The following SMO variants were observed in gnomAD, a reference collection of about 807,000 sequenced individuals.
SMO encodes protein smoothened.
SMO carries 40 observed loss-of-function variants against 81.6 expected under a neutral mutation model. That is an observed-to-expected ratio of 0.49 (90% CI 0.38 to 0.64). The LOEUF is 0.64. Among genes scored for constraint, SMO ranks in the 30% least tolerant of loss-of-function variants. SMO has a pLI of 0.00. For synonymous variants in SMO, 434 were observed against 432.1 expected (o/e 1.00, Z -0.05); for missense variants, 916 against 1,061.1 (o/e 0.86, Z 1.90).
intron 1 of SMO, among the ~76,000 whole-genome samples, chr7:129,197,137 CAT>C (rs1296801610): frequency 6.6e-5 from 10 of 151,682 alleles, no homozygotes; most frequent in African/African-American, 1.9e-4. Flanking sequence ...ATTCTATACA[CAT>C]AGTCATATAA....
rs757923679 is a variant in SMO, at chr7:129,211,801, G to C, written c.1936+31G>C. On this transcript the variant is annotated intron_variant, in intron 11 of 11. Transcript: ENST00000249373. This position sits in a 1 kb window ranked among gnomAD's most constrained non-coding sequence, Gnocchi z 4.6. ...AGAGTTCAAGCTTCTGGAGGAAGGT[G>C]GGGGGAGCACAGAGGCTGGGGGCTT... 1.2e-5 allele frequency: 19 copies of C among 1,612,548 alleles called. No homozygotes were observed. The African/African-American group carries it at 1.2e-4, about 10-fold the overall frequency.
Position 129,211,783 on chromosome 7 carries a change from A to C in SMO, c.1936+13A>C, listed in dbSNP as rs201152391. The C allele has an allele frequency of 1.1e-5, 18 of 1,613,876 alleles. No individual in the cohort carries two copies. The highest frequency in any genetic ancestry group is 2.2e-5 in the East Asian group (1 of 44,872). On this transcript the variant is annotated intron_variant, in intron 11 of 11. Coordinates refer to ENST00000249373, the MANE Select transcript of SMO (RefSeq NM_005631.5). This position sits in a 1 kb window ranked among gnomAD's most constrained non-coding sequence, Gnocchi z 4.6. ...GTGGCAACTCCAGGTATGAGAGTTC[A>C]AGCTTCTGGAGGAAGGTGGGGGGAG...
rs749120623 is a variant in SMO, at chr7:129,210,374, A to G, written c.1478A>G (p.Asn493Ser). ...SFRDYVLCQA[N>S]VTIGLPTKQP... is the part of the protein sequence containing the mutation. The stretch of plus-strand genomic sequence containing the variant: ...TTCCCTCACTGTAGATGTCAGGCCA[A>G]TGTGACCATCGGGCTGCCCACCAAG... The change falls in exon 9 of 12, where the codon AAT (asparagine) becomes AGT (serine). Residue 493 changes from asparagine to serine, a missense_variant. Transcript: ENST00000249373. The surrounding 1 kb of genome is among the most constrained non-coding windows in gnomAD (Gnocchi z 4.7). 2 of 1,614,028 alleles carry G rather than the reference A, an allele frequency of 1.2e-6. No individual in the cohort carries two copies. Among genetic ancestry groups the G allele is most frequent in the Admixed American group, 1.7e-5 (1 of 60,026 alleles).
In SMO at chr7:129,209,985, C is replaced by T. The variant is rs1429873823; in HGVS notation, c.1467-378C>T. The T allele has an allele frequency of 2.1e-5, 4 of 193,662 alleles. No homozygotes were observed. The East Asian group carries it at 4.6e-4, about 22-fold the overall frequency. 12.0% of individuals were successfully genotyped at this position (193,662 alleles called of 1,614,324 possible). ...TTCCAGTCTGGGATGCTTTAAACCA[C>T]AGTGATGCCTGAGTCTCTGCCCCAG... is the stretch of plus-strand genomic sequence containing the variant. On this transcript the variant is annotated intron_variant, in intron 8 of 11. Transcript: ENST00000249373.
chr7:129,201,289 C>T (rs1289300461), intron 1 of SMO, among the ~76,000 whole-genome samples: 1 of 152,058 alleles, frequency 6.6e-6, no homozygotes, highest in Admixed American at 6.6e-5. Flanking sequence ...TTGTGATCCA[C>T]CCGCCTCGGC....
intron 1 of SMO, among the ~76,000 whole-genome samples, chr7:129,193,161 G>A (rs1793503516): frequency 6.6e-6 from 1 of 152,116 alleles, no homozygotes; most frequent in South Asian, 2.1e-4. Flanking sequence ...AGTAAGTGGG[G>A]CAAAAAAGCA....
rs746499335 is a variant in SMO at position 129,208,799 on chromosome 7, G to A, written c.1305G>A (p.Gly435=). The A allele has an allele frequency of 2.5e-6, 4 of 1,613,806 alleles. No individual in the cohort carries two copies. In the Admixed American group the frequency reaches 5.0e-5, roughly 20 times the overall value. ...TLFSIKSNHP[G]LLSEKAASKI... is the part of the protein sequence containing the mutation. ...TCTCCATCAAGAGCAACCACCCCGGGCTGCTGAGTGAGAAGGCTGCCAGCA... is the reference window on the plus strand; with the variant it reads ...TCTCCATCAAGAGCAACCACCCCGGACTGCTGAGTGAGAAGGCTGCCAGCA... The change falls in exon 7 of 12, where the codon GGG becomes GGA. Residue 435 remains glycine, a synonymous_variant. Transcript: ENST00000249373. The surrounding 1 kb of genome is among the most constrained non-coding windows in gnomAD (Gnocchi z 5.2).
In SMO at chr7:129,211,280, C is replaced by T. The variant is rs1793865908; in HGVS notation, c.1801+167C>T. 1 of 795,636 alleles carries T rather than the reference C, an allele frequency of 1.3e-6. No individual in the cohort carries two copies. The highest frequency in any genetic ancestry group is 2.1e-6 in the Non-Finnish European group (1 of 472,220). The allele number at this position is 795,636 out of a possible 1,614,324, so 49.3% of individuals were successfully genotyped here. The stretch of plus-strand genomic sequence containing the variant: ...CATTCTTCCCCCGGCCCCTCCTACC[C>T]TCTGGGGGGCTCTCCCCTCTCTGTT... On this transcript the variant is annotated intron_variant, in intron 10 of 11. Coordinates refer to ENST00000249373, the MANE Select transcript of SMO (RefSeq NM_005631.5). This position sits in a 1 kb window ranked among gnomAD's most constrained non-coding sequence, Gnocchi z 4.6.
Position 129,205,634 on chromosome 7 carries a change from A to C in SMO, c.772A>C (p.Asn258His). The C allele has an allele frequency of 6.2e-7, 1 of 1,613,888 alleles. No individual in the cohort carries two copies. The highest frequency in any genetic ancestry group is 1.3e-5 in the African/African-American group (1 of 75,052). ...GGCCACATTCGTGGCTGACTGGCGG[A>C]ACTCGAATCGCTACCCTGCTGTTAT... ...TLATFVADWR[N>H]SNRYPAVILF... Residue 258 changes from asparagine to histidine, a missense_variant, in exon 4 of 12, where the codon AAC (asparagine) becomes CAC (histidine). Physicochemically the swap from Asn to His is moderately conservative, Grantham distance 68 (BLOSUM62 1). Transcript: ENST00000249373.
rs759963267 is a variant in SMO at position 129,210,320 on chromosome 7, A to C, written c.1467-43A>C. On this transcript the variant is annotated intron_variant, in intron 8 of 11. Coordinates refer to ENST00000249373, the MANE Select transcript of SMO (RefSeq NM_005631.5). The surrounding 1 kb of genome is among the most constrained non-coding windows in gnomAD (Gnocchi z 4.7). ...ATCCTATCTCAAAAAAAGAGAGAGG[A>C]AAAGAAAGGAAAGCCTCACCTGTCT... is the stretch of plus-strand genomic sequence containing the variant. The C allele has an allele frequency of 6.5e-7, 1 of 1,527,422 alleles. No individual in the cohort carries two copies. The highest frequency in any genetic ancestry group is 9.1e-7 in the Non-Finnish European group (1 of 1,102,922). The allele number at this position is 1,527,422 out of a possible 1,614,324, so 94.6% of individuals were successfully genotyped here. A position where few individuals can be genotyped will look rare whatever the true frequency, so the allele number is the denominator to read the frequency against.
rs909432058 is a variant in SMO at position 129,206,940 on chromosome 7, G to C, written c.1264+353G>C. On this transcript the variant is annotated intron_variant, in intron 6 of 11. Coordinates refer to ENST00000249373, the MANE Select transcript of SMO (RefSeq NM_005631.5). This position sits in a 1 kb window ranked among gnomAD's most constrained non-coding sequence, Gnocchi z 4.4. ...GCTCACTGCAACCTTCGCCTCCTGG[G>C]TTCAAGTGATTCTCCTGCCTCACCC... Among the ~76,000 whole-genome samples the C allele has an allele frequency of 6.6e-6, 1 of 152,166 alleles. No homozygotes were observed. The highest frequency in any genetic ancestry group is 1.5e-5 in the Non-Finnish European group (1 of 68,034).
rs926002639 is a variant in SMO, at chr7:129,209,720, T to G, written c.1466+323T>G. ...TGCCCTCTAATTCTGTGTGCTCTCC[T>G]GCAGAGCCTGCTTTAGATCCTGGCA... On this transcript the variant is annotated intron_variant, in intron 8 of 11. Coordinates refer to ENST00000249373, the MANE Select transcript of SMO (RefSeq NM_005631.5). 9 of 295,430 alleles carry G rather than the reference T, an allele frequency of 3.0e-5. No homozygotes were observed. The South Asian group carries it at 4.6e-4, about 15-fold the overall frequency. The allele number at this position is 295,430 out of a possible 1,614,324, so 18.3% of individuals were successfully genotyped here. A position where few individuals can be genotyped will look rare whatever the true frequency, so the allele number is the denominator to read the frequency against.
In SMO at chr7:129,189,049, C is replaced by G; in HGVS notation, c.-103C>G. The G allele has an allele frequency of 9.3e-7, 1 of 1,075,142 alleles. No individual in the cohort carries two copies. Among genetic ancestry groups the G allele is most frequent in the Non-Finnish European group, 1.2e-6 (1 of 852,708 alleles). The allele number at this position is 1,075,142 out of a possible 1,614,324, so 66.6% of individuals were successfully genotyped here. A position where few individuals can be genotyped will look rare whatever the true frequency, so the allele number is the denominator to read the frequency against. Reference sequence around the variant, plus strand: ...GCCCGGATTCTCTGGGCGCACAGGTCGCCTGAGCCGCCTCCGCGGCCGCCG... The same window carrying G: ...GCCCGGATTCTCTGGGCGCACAGGTGGCCTGAGCCGCCTCCGCGGCCGCCG... On this transcript the variant is annotated 5_prime_UTR_variant, in exon 1 of 12. Transcript: ENST00000249373. The surrounding 1 kb of genome is among the most constrained non-coding windows in gnomAD (Gnocchi z 4.7).
At chr7:129,202,279 A>C (rs1276931209) in intron 1 of SMO, among the ~76,000 whole-genome samples, 1 of 152,166 alleles carries the variant, frequency 6.6e-6, no homozygotes, top group Non-Finnish European at 1.5e-5. Context: ...CCAAGATCAT[A>C]CAGCCAGGAA....
chr7:129,193,962 T>C (rs935210470), intron 1 of SMO, among the ~76,000 whole-genome samples: 46 of 147,328 alleles, frequency 3.1e-4, no homozygotes, highest in African/African-American at 1.1e-3. Context: ...TAGCCGGGCA[T>C]GTTGGCACAC....
At chr7:129,199,893 T>C (rs536118281) in intron 1 of SMO, among the ~76,000 whole-genome samples, 1 of 152,354 alleles carries the variant, frequency 6.6e-6, no homozygotes, top group South Asian at 2.1e-4. Flanking sequence ...TGATCTGTTA[T>C]TTGTCTTTCG....
Position 129,205,297 on chromosome 7 carries a change from A to G in SMO, c.632A>G (p.Glu211Gly), listed in dbSNP as rs1584661494. 1.2e-6 allele frequency: 2 copies of G among 1,614,210 alleles called. No homozygotes were observed. Among genetic ancestry groups the G allele is most frequent in the Non-Finnish European group, 1.7e-6 (2 of 1,180,014 alleles). ...CCCAAGAGCTGGTACGAGGACGTGG[A>G]GGGCTGCGGCATCCAGTGCCAGAAC... The part of the protein sequence containing the change: ...DNPKSWYEDV[E>G]GCGIQCQNPL... Residue 211 changes from glutamate (E) to glycine (G), a missense_variant, in exon 3 of 12, where the codon GAG becomes GGG. By Grantham distance (98) the Glu-to-Gly change is moderately conservative. Coordinates refer to ENST00000249373, the MANE Select transcript of SMO (RefSeq NM_005631.5).
chr7:129,204,333 AAAAT>A lies in SMO; in HGVS notation c.537+762_537+765del, dbSNP rs983479655. 5.0e-3 allele frequency among the ~76,000 whole-genome samples: 749 copies of A among 149,776 alleles called. 7 individuals carry two copies. Among genetic ancestry groups the A allele is most frequent in the African/African-American group, 0.017 (710 of 40,584 alleles). On this transcript the variant is annotated intron_variant, in intron 2 of 11. Coordinates refer to ENST00000249373, the MANE Select transcript of SMO (RefSeq NM_005631.5). Reference sequence around the variant, plus strand: ...GGGCTACAGAGTGAGACTCTGTCTCAAAATAAATAAATAAATAAATAGGCTGGCC... The same window carrying A: ...GGGCTACAGAGTGAGACTCTGTCTCAAAATAAATAAATAAATAGGCTGGCC...
chr7:129,206,725 G>T lies in SMO; in HGVS notation c.1264+138G>T. On this transcript the variant is annotated intron_variant, in intron 6 of 11. Coordinates refer to ENST00000249373, the MANE Select transcript of SMO (RefSeq NM_005631.5). This position sits in a 1 kb window ranked among gnomAD's most constrained non-coding sequence, Gnocchi z 4.4. ...CTATAGGGCCTTCACACAGTAGAAG[G>T]TGACCCTCTAGGCAGACGAAACACC... 1.2e-6 allele frequency: 1 copy of T among 843,496 alleles called. No homozygotes were observed. The highest frequency in any genetic ancestry group is 1.9e-6 in the Non-Finnish European group (1 of 536,850). 52.3% of individuals were successfully genotyped at this position (843,496 alleles called of 1,614,324 possible).
Sources: allele counts gnomAD v4.1 joint callset (sites outside exome capture counted in the v4.1 genomes callset), GRCh38; gene constraint gnomAD v4.1.1; non-coding constraint Gnocchi (gnomAD v3.1); transcripts MANE v1.5; gene names NCBI Gene and HGNC (gene_info 2026-07-23, HGNC 2026-07-21).